Variants in TXNRD3 observed in about 807,000 individuals in gnomAD.
The protein encoded by TXNRD3 is TXNRD3 neighbor gene protein.
In TXNRD3, 68 loss-of-function variants were observed where a neutral mutation model predicts 78.2. That is an observed-to-expected ratio of 0.87 (90% CI 0.72 to 1.06). The LOEUF (loss-of-function observed/expected upper bound fraction) is 1.06. TXNRD3 is among the 50% of genes least tolerant of loss of function. The probability of loss-of-function intolerance (pLI) is 0.00; values close to 1 mark genes in which losing one functional copy is unlikely to be tolerated. For synonymous variants in TXNRD3, 296 were observed against 300.1 expected, an observed-to-expected ratio of 0.99 and a Z score of 0.14; for missense variants, 751 against 809.5, an observed-to-expected ratio of 0.93 and a Z score of 0.88.
chr3:126,610,978 TA>T, intron 14 of TXNRD3, 58 bp downstream of exon 14: 2 of 1,105,186 alleles, frequency 1.8e-6, no homozygotes, highest in Admixed American at 3.1e-5. Context: ...ATCCAAATAC[TA>T]AAAATAAAAG....
chr3:126,610,505 T>C (rs564114384), intron 14 of TXNRD3, among the ~76,000 whole-genome samples: 2 of 152,332 alleles, frequency 1.3e-5, no homozygotes, highest in East Asian at 1.9e-4. Context: ...GCTGCTTTAG[T>C]GAAAGCATCA....
In TXNRD3 at chr3:126,607,322, T is replaced by C. The variant is rs1216416433; in HGVS notation, c.*583A>G. The C allele has an allele frequency of 6.6e-6, 1 of 152,292 alleles. No homozygotes were observed. The highest frequency in any genetic ancestry group is 1.9e-4 in the East Asian group (1 of 5,196). The allele number at this position is 152,292 out of a possible 1,614,324, so 9.4% of individuals were successfully genotyped here. Reference sequence around the variant, plus strand: ...GAAGCATGAGTCAGCGTTTTGACAGTAGGTTAAATGTGCCTCAAAAAAGAA... The same window carrying C: ...GAAGCATGAGTCAGCGTTTTGACAGCAGGTTAAATGTGCCTCAAAAAAGAA... On this transcript the variant is annotated 3_prime_UTR_variant, in exon 16 of 16. Coordinates refer to ENST00000524230, the MANE Select transcript of TXNRD3 (RefSeq NM_052883.3).
At chr3:126,650,721 T>C (rs893681846) in intron 1 of TXNRD3, among the ~76,000 whole-genome samples, 2 of 152,210 alleles carry the variant, frequency 1.3e-5, no homozygotes, top group Non-Finnish European at 2.9e-5. Flanking sequence ...CTGATTCCCT[T>C]GCATATACTT....
Position 126,654,985 on chromosome 3 carries a change from C to A in TXNRD3, c.6G>T (p.Glu2Asp). ...GCCCGGGCGACTGCGGCGGCGACCGCTCCAGAGTCTCGCTCTCGCTCCTGG... is the reference window on the plus strand; with the variant it reads ...GCCCGGGCGACTGCGGCGGCGACCGATCCAGAGTCTCGCTCTCGCTCCTGG... The change falls in exon 1 of 16, where the codon GAG (glutamate) becomes GAT (aspartate). Residue 2 changes from glutamate (E) to aspartate (D), a missense_variant. Physicochemically the swap from Glu to Asp is conservative, Grantham distance 45. Coordinates refer to ENST00000524230, the MANE Select transcript of TXNRD3 (RefSeq NM_052883.3). 1 of 1,304,766 alleles carries A rather than the reference C, an allele frequency of 7.7e-7. No homozygotes were observed. The allele number at this position is 1,304,766 out of a possible 1,614,324, so 80.8% of individuals were successfully genotyped here. A position where few individuals can be genotyped will look rare whatever the true frequency, so the allele number is the denominator to read the frequency against.
chr3:126,633,770 C>T, intron 7 of TXNRD3, 139 bp downstream of exon 7: 1 of 494,018 alleles, frequency 2.0e-6, no homozygotes, highest in Non-Finnish European at 3.2e-6. Flanking sequence ...GAGAAACACA[C>T]ACACATGCAT....
At chr3:126,615,298 A>G (rs1938291991) in intron 13 of TXNRD3, 57 bp downstream of exon 13, 1 of 792,476 alleles carries the variant, frequency 1.3e-6, no homozygotes, top group Non-Finnish European at 1.9e-6. Flanking sequence ...GTGACCGCAA[A>G]GATAAATTGT....
In TXNRD3 at chr3:126,643,987, A is replaced by G; in HGVS notation, c.586T>C (p.Ser196Pro). ...ACAGAGAAAAACAACTTACCCCAGG[A>G]TGTGCCCTGAGGTGACGGGACAACA... The change falls in exon 5 of 16, where the codon TCC becomes CCC. Residue 196 changes from serine (S) to proline (P), a missense_variant. Coordinates refer to ENST00000524230, the MANE Select transcript of TXNRD3 (RefSeq NM_052883.3). 6.5e-7 allele frequency: 1 copy of G among 1,535,834 alleles called. No individual in the cohort carries two copies. The highest frequency in any genetic ancestry group is 8.7e-7 in the Non-Finnish European group (1 of 1,146,804).
intron 10 of TXNRD3, chr3:126,626,192 TA>T (rs1361316835): frequency 2.0e-5 from 3 of 152,210 alleles, no homozygotes; most frequent in African/African-American, 7.2e-5. Flanking sequence ...GCTAAAACTA[TA>T]AAGCTTCAGG....
chr3:126,620,760 T>A (rs1938431635), intron 12 of TXNRD3, among the ~76,000 whole-genome samples: 1 of 152,230 alleles, frequency 6.6e-6, no homozygotes, highest in Non-Finnish European at 1.5e-5. Context: ...TTTGATGATC[T>A]GGCACCAAAT....
chr3:126,610,170 G>T (rs1004616362), intron 14 of TXNRD3, among the ~76,000 whole-genome samples: 3 of 152,184 alleles, frequency 2.0e-5, no homozygotes, highest in Non-Finnish European at 4.4e-5. Context: ...CTACTAGCCT[G>T]CAACACCCTG....
At chr3:126,645,919 C>G (rs1933218127) in intron 3 of TXNRD3, among the ~76,000 whole-genome samples, 192 bp downstream of exon 3, 1 of 152,214 alleles carries the variant, frequency 6.6e-6, no homozygotes, top group Non-Finnish European at 1.5e-5. Flanking sequence ...AAAATCCTAG[C>G]TTCTGAAGTT....
intron 6 of TXNRD3, 44 bp downstream of exon 6, chr3:126,641,988 T>A (rs1245331560): frequency 4.1e-6 from 6 of 1,475,524 alleles, no homozygotes; most frequent in Non-Finnish European, 5.4e-6. Flanking sequence ...AAAAAACTCA[T>A]TTTTTCTTTT....
chr3:126,613,176 C>T (rs1030648188), intron 13 of TXNRD3, among the ~76,000 whole-genome samples: 1 of 152,166 alleles, frequency 6.6e-6, no homozygotes, highest in Non-Finnish European at 1.5e-5. Context: ...GAGGCCACCA[C>T]CTTCACCTCT....
chr3:126,644,460 T>C (rs1933182644), intron 3 of TXNRD3, 59 bp from the exon 4 acceptor site: 5 of 1,160,926 alleles, frequency 4.3e-6, no homozygotes, highest in Admixed American at 4.3e-5. Flanking sequence ...CAGCTATTTA[T>C]GTACACCCTA....
At position 126,608,622 on chromosome 3, in the gene TXNRD3, T is replaced by C. The variant is rs1266773611; in HGVS notation, c.1740A>G (p.Ile580Met). The stretch of plus-strand genomic sequence containing the variant: ...CGTTTGGTCCAAGAATATGAAATCC[T>C]ATCACCCGATCCTTTAATACAGAAA... Residue 580 changes from isoleucine (I) to methionine (M), a missense_variant, in exon 15 of 16, where the codon ATA (isoleucine) becomes ATG (methionine). By Grantham distance (10) the Ile-to-Met change is conservative. Coordinates refer to ENST00000524230, the MANE Select transcript of TXNRD3 (RefSeq NM_052883.3). 1 of 1,535,508 alleles carries C rather than the reference T, an allele frequency of 6.5e-7. No homozygotes were observed. Among genetic ancestry groups the C allele is most frequent in the East Asian group, 2.4e-5 (1 of 40,890 alleles).
intron 10 of TXNRD3, 29 bp downstream of exon 10, chr3:126,629,350 A>G: frequency 7.1e-7 from 1 of 1,416,512 alleles, no homozygotes; most frequent in South Asian, 1.3e-5. Context: ...TGTGTTCAAT[A>G]ACTTAGTAAT....
chr3:126,642,983 T>C (rs1933131025), intron 5 of TXNRD3, among the ~76,000 whole-genome samples: 1 of 152,160 alleles, frequency 6.6e-6, no homozygotes, highest in Admixed American at 6.5e-5. Context: ...AGGGATAGAA[T>C]AGTTCCCTAA....
intron 6 of TXNRD3, among the ~76,000 whole-genome samples, chr3:126,639,623 G>A (rs1933007312): frequency 6.6e-6 from 1 of 152,118 alleles, no homozygotes; most frequent in African/African-American, 2.4e-5. Flanking sequence ...AGGCTGGAGT[G>A]CAGTGGCGCA....
At chr3:126,649,360 T>G (rs566923682) in intron 1 of TXNRD3, among the ~76,000 whole-genome samples, 5 of 152,346 alleles carry the variant, frequency 3.3e-5, no homozygotes, top group Admixed American at 6.5e-5. Context: ...TTGGTGAGGA[T>G]GCAGAGAAAC....
Sources: gnomAD v4.1 joint callset for allele counts (sites outside exome capture counted in the v4.1 genomes callset) on GRCh38, gnomAD v4.1.1 for gene constraint, MANE v1.5 for transcripts, NCBI Gene and HGNC (gene_info 2026-07-23, HGNC 2026-07-21) for gene names.